The following VTI1A variants were observed in gnomAD, a reference collection of about 807,000 sequenced individuals.
The protein encoded by VTI1A is vesicle transport through interaction with t-SNAREs homolog 1A.
In VTI1A, 22 loss-of-function variants were observed where a neutral mutation model predicts 34.9. The ratio of observed to expected loss-of-function variants is 0.63; its 90% CI spans 0.45 to 0.90. The LOEUF (loss-of-function observed/expected upper bound fraction) is 0.90. Among genes scored for constraint, VTI1A ranks in the 40% least tolerant of loss-of-function variants. The pLI is 0.00. For synonymous variants in VTI1A, 87 were observed against 97.3 expected (o/e 0.89, Z 0.62); for missense variants, 268 against 275.6 (o/e 0.97, Z 0.20).
At chr10:112,550,074 A>G (rs989314463) in intron 5 of VTI1A, among the ~76,000 whole-genome samples, 2 of 152,162 alleles carry the variant, frequency 1.3e-5, no homozygotes, top group Non-Finnish European at 2.9e-5. Context: ...TTAATCTGTT[A>G]AAAAGTGTTA....
rs11196022 is a variant in VTI1A at position 112,617,538 on chromosome 10, G to A, written c.428-50680G>A. ...TAACAATATCTAATTTGGAAGGAGA[G>A]TTCATTTTAAATAAAAGAACTAACT... On this transcript the variant is annotated intron_variant, in intron 5 of 7. Coordinates refer to ENST00000393077, the MANE Select transcript of VTI1A (RefSeq NM_145206.4). Among the ~76,000 whole-genome samples the A allele has an allele frequency of 2.4e-4, 36 of 152,106 alleles. 3 individuals are homozygous for A. In the South Asian group the frequency reaches 6.2e-3, roughly 26 times the overall value.
At chr10:112,559,425 G>A (rs894187494) in intron 5 of VTI1A, among the ~76,000 whole-genome samples, 1 of 152,174 alleles carries the variant, frequency 6.6e-6, no homozygotes, top group Non-Finnish European at 1.5e-5. Flanking sequence ...GCTTCAGCTT[G>A]AGACCTCATC....
intron 7 of VTI1A, among the ~76,000 whole-genome samples, chr10:112,761,766 TTC>T (rs1168509776): frequency 8.7e-5 from 8 of 91,836 alleles, no homozygotes; most frequent in Middle Eastern, 6.1e-3. Flanking sequence ...CTCTCTTTCT[TTC>T]TCTGTGTGTG....
At chr10:112,846,008 G>C in the VTI1A span, among the ~76,000 whole-genome samples, 5 of 152,064 alleles carry the variant, frequency 3.3e-5, no homozygotes, top group African/African-American at 9.7e-5. Context: ...ACAGAGCGAG[G>C]CTCTGTCTGA....
intron 7 of VTI1A, 107 bp downstream of exon 7, chr10:112,669,105 T>G (rs1847752691): frequency 1.1e-5 from 14 of 1,296,664 alleles, no homozygotes; most frequent in Non-Finnish European, 1.5e-5. Flanking sequence ...GCTTCTGCTC[T>G]TAGTACCCTG....
chr10:112,605,315 G>A (rs1297273772), intron 5 of VTI1A, among the ~76,000 whole-genome samples: 6 of 152,182 alleles, frequency 3.9e-5, no homozygotes, highest in African/African-American at 1.4e-4. Flanking sequence ...TGTACTGTAA[G>A]AACAGTGTTG....
At chr10:112,698,970 A>G (rs1021591593) in intron 7 of VTI1A, among the ~76,000 whole-genome samples, 2 of 151,684 alleles carry the variant, frequency 1.3e-5, no homozygotes, top group African/African-American at 4.9e-5. Flanking sequence ...TAGCTACCAC[A>G]CCCCTGAGTA....
intron 5 of VTI1A, among the ~76,000 whole-genome samples, chr10:112,610,573 T>C (rs1845256972): frequency 6.6e-6 from 1 of 152,184 alleles, no homozygotes; most frequent in African/African-American, 2.4e-5. Context: ...ATTTCTTTTG[T>C]TTTGCTTTGA....
At chr10:112,664,448 G>C (rs541075627) in intron 5 of VTI1A, among the ~76,000 whole-genome samples, 2 of 152,124 alleles carry the variant, frequency 1.3e-5, no homozygotes, top group Admixed American at 6.6e-5. Flanking sequence ...TTGTTCAGAT[G>C]GTATTATTAT....
intron 7 of VTI1A, among the ~76,000 whole-genome samples, chr10:112,789,242 C>G (rs891721227): frequency 3.5e-4 from 53 of 151,984 alleles, no homozygotes; most frequent in Non-Finnish European, 6.0e-4. Flanking sequence ...AAAAAATTCT[C>G]TTATTCTTTG....
intron 5 of VTI1A, among the ~76,000 whole-genome samples, chr10:112,637,404 C>T (rs1019253936): frequency 9.2e-5 from 14 of 152,196 alleles, no homozygotes; most frequent in Non-Finnish European, 1.8e-4. Context: ...TGTGGTGGCT[C>T]ACGCCTGTAA....
At chr10:112,847,171 T>C in the VTI1A span, among the ~76,000 whole-genome samples, 1 of 152,200 alleles carries the variant, frequency 6.6e-6, no homozygotes, top group Non-Finnish European at 1.5e-5. Flanking sequence ...ATTATGTTTG[T>C]TTCTTCTGTT....
chr10:112,796,567 C>T (rs1210957195), intron 7 of VTI1A, among the ~76,000 whole-genome samples: 2 of 152,116 alleles, frequency 1.3e-5, no homozygotes, highest in African/African-American at 4.8e-5. Context: ...AAAACTGGCT[C>T]CTCTCATATA....
At chr10:112,772,062 A>G (rs1192715361) in intron 7 of VTI1A, among the ~76,000 whole-genome samples, 1 of 152,202 alleles carries the variant, frequency 6.6e-6, no homozygotes, top group East Asian at 1.9e-4. Context: ...ATTCTCTTAT[A>G]TAACTTGGAG....
At chr10:112,472,448 A>C (rs1006088053) in intron 3 of VTI1A, among the ~76,000 whole-genome samples, 1 of 151,918 alleles carries the variant, frequency 6.6e-6, no homozygotes, top group Non-Finnish European at 1.5e-5. Flanking sequence ...TGAAGCTTTT[A>C]CTGATACTAC....
chr10:112,690,602 AT>A (rs1564885385), intron 7 of VTI1A, among the ~76,000 whole-genome samples: 2 of 152,240 alleles, frequency 1.3e-5, no homozygotes, highest in African/African-American at 4.8e-5. Flanking sequence ...AGCAGGGTCT[AT>A]GGAGATTCTC....
At chr10:112,668,845 A>T in intron 6 of VTI1A, 92 bp from the exon 7 acceptor site, 6 of 1,340,544 alleles carry the variant, frequency 4.5e-6, no homozygotes, top group Non-Finnish European at 6.3e-6. Flanking sequence ...TATTGTTTGG[A>T]TTTTCTATCA....
intron 7 of VTI1A, among the ~76,000 whole-genome samples, chr10:112,687,530 G>A (rs1326950731): frequency 6.6e-6 from 1 of 151,814 alleles, no homozygotes; most frequent in Non-Finnish European, 1.5e-5. Context: ...ACTGCGCCCG[G>A]CAACTTTTTT....
rs1437073234 is a variant in VTI1A, at chr10:112,594,341, G to GTAAA, written c.427+56013_427+56014insAATA. Among the ~76,000 whole-genome samples the GTAAA allele has an allele frequency of 2.6e-5, 4 of 152,216 alleles. No individual in the cohort carries two copies. The East Asian group carries it at 5.8e-4, about 22-fold the overall frequency. On this transcript the variant is annotated intron_variant, in intron 5 of 7. Transcript: ENST00000393077. ...CTGCTTTAGGAGAAGGAAATAAAGG[G>GTAAA]TATTCAATTAGGAAAAGAGGAAGTC...
Sources: allele counts gnomAD v4.1 joint callset (sites outside exome capture counted in the v4.1 genomes callset), GRCh38; gene constraint gnomAD v4.1.1; transcripts MANE v1.5; gene names NCBI Gene and HGNC (gene_info 2026-07-23, HGNC 2026-07-21).